KCNG3: variants seen among roughly 807,000 people sequenced by gnomAD.
The protein encoded by KCNG3 is potassium voltage-gated channel modifier subfamily G member 3, also known as voltage-gated potassium channel regulatory subunit KCNG3.
A neutral mutation model predicts 29.0 loss-of-function variants in KCNG3; 15 were observed. That is an observed-to-expected ratio of 0.52 (90% confidence interval 0.35 to 0.80). The LOEUF is 0.80. Ranked by LOEUF, KCNG3 falls within the 30% of genes least tolerant of loss-of-function variation. KCNG3 has a pLI of 0.01. For missense variants in KCNG3, 512 were observed against 605.7 expected, an observed-to-expected ratio of 0.85 and a Z score of 1.62; for synonymous variants, 322 against 248.9, an observed-to-expected ratio of 1.29 and a Z score of -2.76.
At chr2:42,469,091 G>A (rs1218279128) in intron 1 of KCNG3, among the ~76,000 whole-genome samples, 1 of 151,176 alleles carries the variant, frequency 6.6e-6, no homozygotes, top group Non-Finnish European at 1.5e-5. Context: ...TATTATTTCA[G>A]TAATTAAGAC....
chr2:42,411,735 G>C, the KCNG3 span, among the ~76,000 whole-genome samples: 1 of 152,054 alleles, frequency 6.6e-6, no homozygotes, highest in Non-Finnish European at 1.5e-5. Flanking sequence ...TGCCTGCCTC[G>C]GTCTCCCAAA....
chr2:42,487,142 G>C (rs1313011251), intron 1 of KCNG3, among the ~76,000 whole-genome samples: 2 of 129,464 alleles, frequency 1.5e-5, no homozygotes, highest in Non-Finnish European at 3.2e-5. Context: ...GGGTGACAGA[G>C]CAAGACTCTG....
the KCNG3 span, among the ~76,000 whole-genome samples, chr2:42,431,140 C>T: frequency 4.0e-5 from 6 of 151,484 alleles, no homozygotes; most frequent in East Asian, 7.8e-4. Flanking sequence ...AACATTTATA[C>T]ATTTTTTATG....
the KCNG3 span, among the ~76,000 whole-genome samples, chr2:42,402,489 CAGCCTGG>C: frequency 6.6e-6 from 1 of 152,178 alleles, no homozygotes; most frequent in African/African-American, 2.4e-5. Flanking sequence ...AGTTCAAGAC[CAGCCTGG>C]GCAACATAGT....
At chr2:42,416,898 A>G in the KCNG3 span, among the ~76,000 whole-genome samples, 1 of 152,046 alleles carries the variant, frequency 6.6e-6, no homozygotes, top group Non-Finnish European at 1.5e-5. Context: ...ATCACTATAC[A>G]ATGCATACAT....
At chr2:42,460,638 A>G (rs1393430103) in intron 1 of KCNG3, among the ~76,000 whole-genome samples, 3 of 152,226 alleles carry the variant, frequency 2.0e-5, no homozygotes, top group Admixed American at 6.5e-5. Context: ...CAAAATCAGG[A>G]AAGTGCCAGA....
chr2:42,462,636 T>A (rs1219955616), intron 1 of KCNG3, among the ~76,000 whole-genome samples: 1 of 152,090 alleles, frequency 6.6e-6, no homozygotes, highest in Non-Finnish European at 1.5e-5. Context: ...GGGCTGAGAC[T>A]ACAGCACTGC....
At chr2:42,396,836 T>C in the KCNG3 span, among the ~76,000 whole-genome samples, 1 of 152,180 alleles carries the variant, frequency 6.6e-6, no homozygotes, top group Non-Finnish European at 1.5e-5. Flanking sequence ...CTAAAAATTA[T>C]GTTTACACAA....
chr2:42,421,117 T>G, the KCNG3 span, among the ~76,000 whole-genome samples: 3 of 152,246 alleles, frequency 2.0e-5, no homozygotes, highest in African/African-American at 7.2e-5. Context: ...TGTTTTATCT[T>G]GATATACAGA....
In KCNG3 at chr2:42,491,475, C is replaced by G. The variant is rs561002013; in HGVS notation, c.665+1362G>C. 8.6e-5 allele frequency among the ~76,000 whole-genome samples: 13 copies of G among 151,984 alleles called. No homozygotes were observed. In the South Asian group the frequency reaches 1.0e-3, roughly 12 times the overall value. ...TACAGTTACTGGAGAATCAAAATTC[C>G]AAGTCCATTTTCCTAAAGCCCTCCT... On this transcript the variant is annotated intron_variant, in intron 1 of 1. Coordinates refer to ENST00000306078, the MANE Select transcript of KCNG3 (RefSeq NM_133329.6).
At chr2:42,462,475 A>T (rs1210067981) in intron 1 of KCNG3, among the ~76,000 whole-genome samples, 5 of 152,128 alleles carry the variant, frequency 3.3e-5, no homozygotes, top group African/African-American at 1.2e-4. Context: ...TGAGGTCAGG[A>T]GTTGGAGACC....
At position 42,443,801 on chromosome 2, in the gene KCNG3, T is replaced by A; in HGVS notation, c.*133A>T. ...AAGTAAACTGTTTTATCCCTTCGGC[T>A]GGGAAGGATAATTTTTACCCTACCA... On this transcript the variant is annotated 3_prime_UTR_variant, in exon 2 of 2. Coordinates refer to ENST00000306078, the MANE Select transcript of KCNG3 (RefSeq NM_133329.6). 1.2e-6 allele frequency: 1 copy of A among 801,194 alleles called. No individual in the cohort carries two copies. Among genetic ancestry groups the A allele is most frequent in the Non-Finnish European group, 2.0e-6 (1 of 503,772 alleles). The allele number at this position is 801,194 out of a possible 1,614,324, so 49.6% of individuals were successfully genotyped here. A position where few individuals can be genotyped will look rare whatever the true frequency, so the allele number is the denominator to read the frequency against.
intron 1 of KCNG3, among the ~76,000 whole-genome samples, chr2:42,488,871 A>C (rs1334904698): frequency 6.6e-6 from 1 of 151,594 alleles, no homozygotes; most frequent in East Asian, 1.9e-4. Flanking sequence ...TTTAAATTAT[A>C]CAATAGAAGA....
chr2:42,491,015 A>C (rs1337480664), intron 1 of KCNG3, among the ~76,000 whole-genome samples: 1 of 152,190 alleles, frequency 6.6e-6, no homozygotes, highest in Non-Finnish European at 1.5e-5. Flanking sequence ...TGAAGCTAAA[A>C]CTGGGCCATT....
chr2:42,397,904 T>C, the KCNG3 span, among the ~76,000 whole-genome samples: 1 of 152,078 alleles, frequency 6.6e-6, no homozygotes, highest in Admixed American at 6.6e-5. Flanking sequence ...TTCTCACAAC[T>C]CTAACAGGCA....
chr2:42,477,377 ACACAT>A (rs1298866053), intron 1 of KCNG3, among the ~76,000 whole-genome samples: 36 of 50,274 alleles, frequency 7.2e-4, no homozygotes, highest in Non-Finnish European at 1.0e-3. Context: ...ATATATACAC[ACACAT>A]ATATATACAC....
rs1019917226 is a variant in KCNG3 at position 42,493,799 on chromosome 2, C to T, written c.-298G>A. 1.5e-5 allele frequency: 4 copies of T among 259,522 alleles called. No individual in the cohort carries two copies. The highest frequency in any genetic ancestry group is 9.0e-5 in the African/African-American group (4 of 44,446). The allele number at this position is 259,522 out of a possible 1,614,324, so 16.1% of individuals were successfully genotyped here. Reference sequence around the variant, plus strand: ...CGCGGCTGTGTCCGCGCCGCCGACCCTCGCGCCCGAGGGCTGCGCACACCG... The same window carrying T: ...CGCGGCTGTGTCCGCGCCGCCGACCTTCGCGCCCGAGGGCTGCGCACACCG... On this transcript the variant is annotated 5_prime_UTR_variant, in exon 1 of 2. Transcript: ENST00000306078.
chr2:42,489,681 G>A (rs764099161), intron 1 of KCNG3, among the ~76,000 whole-genome samples: 1 of 144,852 alleles, frequency 6.9e-6, no homozygotes, highest in Non-Finnish European at 1.5e-5. Context: ...ATTTCAGCAG[G>A]CTAGGCATTG....
chr2:42,490,539 GAAC>G (rs1558391689), intron 1 of KCNG3, among the ~76,000 whole-genome samples: 2 of 152,200 alleles, frequency 1.3e-5, no homozygotes. Flanking sequence ...GGCCTTCTCT[GAAC>G]AACGGAACTC....
Sources: allele counts gnomAD v4.1 joint callset (sites outside exome capture counted in the v4.1 genomes callset), GRCh38; gene constraint gnomAD v4.1.1; transcripts MANE v1.5; gene names NCBI Gene and HGNC (gene_info 2026-07-23, HGNC 2026-07-21).